The following ENOX1 variants were observed in gnomAD, a reference collection of about 807,000 sequenced individuals.
ENOX1 encodes ecto-NOX disulfide-thiol exchanger 1, also known as candidate growth-related and time keeping constitutive hydroquinone (NADH) oxidase.
A neutral mutation model predicts 82.5 loss-of-function variants in ENOX1; 42 were observed. The observed-to-expected ratio is 0.51, with a 90% confidence interval of 0.40 to 0.66. The LOEUF (loss-of-function observed/expected upper bound fraction) is 0.66, where lower values mean the gene tolerates loss of function less well. ENOX1 is among the 30% of genes least tolerant of loss of function. The probability of loss-of-function intolerance (pLI) is 0.00; values close to 1 mark genes in which losing one functional copy is unlikely to be tolerated. For missense variants in ENOX1, 608 were observed against 811.6 expected, an observed-to-expected ratio of 0.75 and a Z score of 3.05; for synonymous variants, 271 against 282.2, an observed-to-expected ratio of 0.96 and a Z score of 0.40.
intron 1 of ENOX1, among the ~76,000 whole-genome samples, chr13:43,727,084 G>A (rs543960285): frequency 3.1e-4 from 47 of 152,150 alleles, no homozygotes; most frequent in Non-Finnish European, 5.1e-4. Context: ...GCACTTCTTA[G>A]TGTTTGTTCT....
At chr13:43,648,460 A>T (rs1382588295) in intron 2 of ENOX1, among the ~76,000 whole-genome samples, 1 of 152,178 alleles carries the variant, frequency 6.6e-6, no homozygotes, top group African/African-American at 2.4e-5. Flanking sequence ...AAGAAAATAA[A>T]ATAAGATGAT....
intron 2 of ENOX1, among the ~76,000 whole-genome samples, chr13:43,534,677 CTT>C (rs1566471808): frequency 6.6e-6 from 1 of 152,140 alleles, no homozygotes; most frequent in African/African-American, 2.4e-5. Flanking sequence ...AAGGTGGTCT[CTT>C]CAGTCCAGTA....
chr13:43,729,382 T>C (rs1055898868), intron 1 of ENOX1, among the ~76,000 whole-genome samples: 2 of 152,176 alleles, frequency 1.3e-5, no homozygotes, highest in East Asian at 3.8e-4. Context: ...GTATTATTTA[T>C]GAAGAAGGAA....
chr13:43,444,702 T>C (rs976957125), intron 3 of ENOX1, among the ~76,000 whole-genome samples: 1 of 152,238 alleles, frequency 6.6e-6, no homozygotes, highest in Non-Finnish European at 1.5e-5. Flanking sequence ...AAAACGTGTA[T>C]AAGAGAGGTA....
intron 5 of ENOX1, among the ~76,000 whole-genome samples, chr13:43,395,833 G>A (rs2053110750): frequency 6.6e-6 from 1 of 152,184 alleles, no homozygotes; most frequent in South Asian, 2.1e-4. Context: ...GATGGGCTCA[G>A]GAATAGCAAG....
chr13:43,630,856 T>TACACACACACAC (rs747970083), intron 2 of ENOX1, among the ~76,000 whole-genome samples: 1 of 13,112 alleles, frequency 7.6e-5, no homozygotes, highest in East Asian at 5.6e-3. Context: ...CATATATATA[T>TACACACACACAC]ATATACACAC....
chr13:43,296,073 C>T (rs912563700), intron 12 of ENOX1, among the ~76,000 whole-genome samples: 5 of 152,120 alleles, frequency 3.3e-5, no homozygotes, highest in African/African-American at 1.2e-4. Context: ...GCCTCCAGGT[C>T]TTTGTCTATT....
chr13:43,653,733 T>A (rs188386956), intron 2 of ENOX1, among the ~76,000 whole-genome samples: 159 of 151,048 alleles, frequency 1.1e-3, no homozygotes, highest in Non-Finnish European at 2.0e-3. Context: ...AATAACCTTG[T>A]TCAATGAAAA....
At chr13:43,289,190 T>C (rs1157165202) in intron 12 of ENOX1, among the ~76,000 whole-genome samples, 1 of 152,164 alleles carries the variant, frequency 6.6e-6, no homozygotes, top group Non-Finnish European at 1.5e-5. Context: ...ATTACTAATG[T>C]CATTCTTTAC....
chr13:43,434,342 C>T (rs1424007965), intron 3 of ENOX1, among the ~76,000 whole-genome samples: 1 of 152,190 alleles, frequency 6.6e-6, no homozygotes, highest in Non-Finnish European at 1.5e-5. Context: ...GCTAGTCGCT[C>T]TCCCTCTAGT....
intron 2 of ENOX1, among the ~76,000 whole-genome samples, chr13:43,588,553 T>C (rs2081095834): frequency 6.6e-6 from 1 of 152,200 alleles, no homozygotes; most frequent in Non-Finnish European, 1.5e-5. Flanking sequence ...GACACTTCAA[T>C]ATAGGGAAGT....
rs2043190692 is a variant in ENOX1, at chr13:43,247,858, TATA to T, written c.1612-11123_1612-11121del. Among the ~76,000 whole-genome samples, 4 of 3,848 alleles carry T rather than the reference TATA, an allele frequency of 1.0e-3. 1 individual carries two copies. Among genetic ancestry groups the T allele is most frequent in the Non-Finnish European group, 1.8e-3 (4 of 2,192 alleles). 2.5% of individuals were successfully genotyped at this position (3,848 alleles called of 152,430 possible). A position where few individuals can be genotyped will look rare whatever the true frequency, so the allele number is the denominator to read the frequency against. ...ATATATATATATATATATATATATATATATATATATATATATATATATATATTT... is the reference window on the plus strand; with the variant it reads ...ATATATATATATATATATATATATATTATATATATATATATATATATATTT... On this transcript the variant is annotated intron_variant, in intron 14 of 16. Coordinates refer to ENST00000690772, the MANE Select transcript of ENOX1 (RefSeq NM_001347969.2).
chr13:43,386,216 AAAC>A (rs886108153), intron 5 of ENOX1, among the ~76,000 whole-genome samples: 2 of 152,192 alleles, frequency 1.3e-5, no homozygotes, highest in Non-Finnish European at 2.9e-5. Context: ...TAGGTTCTTT[AAAC>A]AACAACAACA....
At chr13:43,643,633 G>A (rs903868564) in intron 2 of ENOX1, among the ~76,000 whole-genome samples, 1 of 148,858 alleles carries the variant, frequency 6.7e-6, no homozygotes, top group Non-Finnish European at 1.5e-5. Flanking sequence ...ATGTGTGTGT[G>A]TATATATATA....
chr13:43,315,279 G>A (rs1276053635), intron 11 of ENOX1, among the ~76,000 whole-genome samples: 4 of 152,302 alleles, frequency 2.6e-5, no homozygotes, highest in East Asian at 3.9e-4. Context: ...CTGCTAGAGC[G>A]CAATGAGGTG....
At chr13:43,288,295 G>T (rs946367051) in intron 12 of ENOX1, among the ~76,000 whole-genome samples, 1 of 151,982 alleles carries the variant, frequency 6.6e-6, no homozygotes, top group South Asian at 2.1e-4. Context: ...GTAAAATGTC[G>T]GTGGCTTTTA....
chr13:43,547,088 C>T (rs2079004756), intron 2 of ENOX1: 1 of 152,214 alleles, frequency 6.6e-6, no homozygotes, highest in South Asian at 2.1e-4. Flanking sequence ...CCCAGCCAAC[C>T]ATAAAATCAC....
At chr13:43,340,034 A>G (rs895552569) in intron 9 of ENOX1, among the ~76,000 whole-genome samples, 7 of 152,204 alleles carry the variant, frequency 4.6e-5, no homozygotes, top group African/African-American at 1.7e-4. Context: ...GGAAAGCAAG[A>G]AGTACAGTTG....
At chr13:43,756,757 A>C (rs1426366873) in intron 1 of ENOX1, among the ~76,000 whole-genome samples, 2 of 152,138 alleles carry the variant, frequency 1.3e-5, no homozygotes, top group Admixed American at 6.5e-5. Context: ...ACAAGTCTGC[A>C]TTATGCATGT....
Sources: allele counts gnomAD v4.1 joint callset (sites outside exome capture counted in the v4.1 genomes callset), GRCh38; gene constraint gnomAD v4.1.1; transcripts MANE v1.5; gene names NCBI Gene and HGNC (gene_info 2026-07-23, HGNC 2026-07-21).